The following ZNF521 variants were observed in gnomAD, a reference collection of about 807,000 sequenced individuals.
The protein encoded by ZNF521 is zinc finger protein 521.
Under a neutral mutation model 105.5 loss-of-function variants are expected in ZNF521, and 14 were observed. That is an observed-to-expected ratio of 0.13 (90% CI 0.09 to 0.21). The LOEUF is 0.21. ZNF521 is among the 10% of genes least tolerant of loss of function. The probability of loss-of-function intolerance (pLI) is 1.00; values close to 1 mark genes in which losing one functional copy is unlikely to be tolerated. For missense variants in ZNF521, 1,233 were observed against 1,629.7 expected (o/e 0.76, Z 4.19); for synonymous variants, 635 against 606.0 (o/e 1.05, Z -0.70).
Position 25,226,386 on chromosome 18 carries a change from T to C in ZNF521, c.1532A>G (p.Asn511Ser). The C allele has an allele frequency of 3.1e-6, 5 of 1,614,130 alleles. No individual in the cohort carries two copies. Among genetic ancestry groups the C allele is most frequent in the Non-Finnish European group, 3.4e-6 (4 of 1,180,018 alleles). ...GFANPAAKDS[N>S]AFFCPHCYMG... ...ATAGCAATGGGGACAAAAGAATGCA[T>C]TACTATCTTTAGCTGCAGGGTTTGC... Residue 511 changes from asparagine to serine, a missense_variant, in exon 4 of 8, where the codon AAT becomes AGT. Physicochemically the swap from Asn to Ser is conservative, Grantham distance 46. This residue lies in a region of ZNF521 where 380 missense variants were observed against 478.0 expected (regional missense o/e 0.80). Transcript: ENST00000361524. The surrounding 1 kb of genome is among the most constrained non-coding windows in gnomAD (Gnocchi z 4.1).
At chr18:25,243,125 T>C (rs1417030838) in intron 3 of ZNF521, among the ~76,000 whole-genome samples, 2 of 152,214 alleles carry the variant, frequency 1.3e-5, no homozygotes, top group Non-Finnish European at 2.9e-5. Flanking sequence ...TTCATCTGAT[T>C]AGATAACCTC....
At position 25,089,170 on chromosome 18, in the gene ZNF521, C is replaced by A. The variant is rs9959920; in HGVS notation, c.3906+295G>T. On this transcript the variant is annotated intron_variant, in intron 7 of 7. Transcript: ENST00000361524. ...CAGGATTTGGGAGAATGAGTCATGA[C>A]AAGCAAGGTGAATGATCCCACAGTC... Among the ~76,000 whole-genome samples, 937 of 152,242 alleles carry A rather than the reference C, an allele frequency of 6.2e-3. 9 individuals carry two copies. The highest frequency in any genetic ancestry group is 0.021 in the African/African-American group (874 of 41,538).
chr18:25,068,117 A>G lies in ZNF521; in HGVS notation c.3907-5376T>C, dbSNP rs117863768. 7.3e-4 allele frequency among the ~76,000 whole-genome samples: 111 copies of G among 152,358 alleles called. 3 individuals are homozygous for G. The East Asian group carries it at 0.017, about 24-fold the overall frequency. On this transcript the variant is annotated intron_variant, in intron 7 of 7. Coordinates refer to ENST00000361524, the MANE Select transcript of ZNF521 (RefSeq NM_015461.3). ...AAACCCGAATTTAAACTGCAGTTGT[A>G]TTTAATTTAAATGAGATGTTTTCTA...
At chr18:25,336,223 T>A (rs1598486364) in intron 2 of ZNF521, among the ~76,000 whole-genome samples, 1 of 152,194 alleles carries the variant, frequency 6.6e-6, no homozygotes. Flanking sequence ...AATCTCTCTC[T>A]GAAGCCAAGA....
chr18:25,327,154 T>C (rs959621095), intron 2 of ZNF521, among the ~76,000 whole-genome samples: 3 of 152,238 alleles, frequency 2.0e-5, no homozygotes, highest in African/African-American at 4.8e-5. Context: ...TAGAGGGTTT[T>C]TGAGACTTTA....
At chr18:25,263,744 C>T (rs1353509995) in intron 3 of ZNF521, among the ~76,000 whole-genome samples, 4 of 152,018 alleles carry the variant, frequency 2.6e-5, no homozygotes, top group Admixed American at 6.6e-5. Flanking sequence ...CCCAGTTAAT[C>T]GTTTGTATTT....
chr18:25,325,610 C>T (rs554205480), intron 2 of ZNF521, among the ~76,000 whole-genome samples: 1 of 152,210 alleles, frequency 6.6e-6, no homozygotes, highest in East Asian at 1.9e-4. Flanking sequence ...TAGCTGCAGG[C>T]ACCACTCTCT....
At chr18:25,105,057 A>G (rs539491683) in intron 5 of ZNF521, among the ~76,000 whole-genome samples, 32 of 152,332 alleles carry the variant, frequency 2.1e-4, no homozygotes, top group African/African-American at 7.7e-4. Flanking sequence ...TGCTCTCTCA[A>G]TAGGACAGCA....
rs929445501 is a variant in ZNF521, at chr18:25,131,581, G to A, written c.3659-39500C>T. Among the ~76,000 whole-genome samples the A allele has an allele frequency of 3.9e-5, 6 of 152,080 alleles. No individual in the cohort carries two copies. In the East Asian group the frequency reaches 1.2e-3, roughly 29 times the overall value. ...TCATGACATAAATATTCATTTGCAT[G>A]TCTGGTGCCAAATTTGACCCAAGCT... is the stretch of plus-strand genomic sequence containing the variant. On this transcript the variant is annotated intron_variant, in intron 5 of 7. Transcript: ENST00000361524.
At chr18:25,339,054 G>C (rs62082273) in intron 2 of ZNF521, among the ~76,000 whole-genome samples, 12,952 of 152,170 alleles carry the variant, frequency 0.085, 685 homozygotes, top group Middle Eastern at 0.17. Flanking sequence ...GGAAAACCAG[G>C]CCCACAATTA....
At chr18:25,081,029 T>G (rs2033481772) in intron 7 of ZNF521, among the ~76,000 whole-genome samples, 1 of 151,562 alleles carries the variant, frequency 6.6e-6, no homozygotes, top group Non-Finnish European at 1.5e-5. Flanking sequence ...AGGCAGATCT[T>G]CCGGTGCTAT....
chr18:25,062,554 A>T lies in ZNF521; in HGVS notation c.*158T>A. The stretch of plus-strand genomic sequence containing the variant: ...GGGTCTATCCGGTGCGCAAAAGTTC[A>T]AACACATGAACATCCAACAGTTTGA... On this transcript the variant is annotated 3_prime_UTR_variant, in exon 8 of 8. Transcript: ENST00000361524. 1 of 1,032,766 alleles carries T rather than the reference A, an allele frequency of 9.7e-7. No homozygotes were observed. Among genetic ancestry groups the T allele is most frequent in the Non-Finnish European group, 1.4e-6 (1 of 699,418 alleles). The allele number at this position is 1,032,766 out of a possible 1,614,324, so 64.0% of individuals were successfully genotyped here. A position where few individuals can be genotyped will look rare whatever the true frequency, so the allele number is the denominator to read the frequency against.
chr18:25,130,099 C>T (rs1307154623), intron 5 of ZNF521, among the ~76,000 whole-genome samples: 1 of 152,016 alleles, frequency 6.6e-6, no homozygotes, highest in Non-Finnish European at 1.5e-5. Flanking sequence ...AGATGTCTTT[C>T]AATAGATAAA....
chr18:25,121,111 A>ATTTTTTTT (rs5823467), intron 5 of ZNF521, among the ~76,000 whole-genome samples: 1 of 118,678 alleles, frequency 8.4e-6, no homozygotes, highest in Non-Finnish European at 1.7e-5. Flanking sequence ...AAGAAGGAGT[A>ATTTTTTTT]TTTTTTTTTT....
At chr18:25,202,070 G>A (rs1333633359) in intron 4 of ZNF521, 1 of 152,168 alleles carries the variant, frequency 6.6e-6, no homozygotes, top group East Asian at 1.9e-4. Flanking sequence ...TAAACTGTCT[G>A]TTGTCAAAGG....
chr18:25,257,038 A>G (rs1338944521), intron 3 of ZNF521, among the ~76,000 whole-genome samples: 1 of 152,164 alleles, frequency 6.6e-6, no homozygotes, highest in African/African-American at 2.4e-5. Context: ...AAAGTCTAGC[A>G]GGAAATGAGG....
At chr18:25,231,646 C>G (rs745410041) in intron 3 of ZNF521, 2 of 152,086 alleles carry the variant, frequency 1.3e-5, no homozygotes, top group South Asian at 4.2e-4. Flanking sequence ...TCTGGCCACT[C>G]GCTGGTGTTC....
intron 5 of ZNF521, among the ~76,000 whole-genome samples, chr18:25,142,319 C>T (rs1358949886): frequency 7.9e-5 from 12 of 152,164 alleles, no homozygotes; most frequent in Non-Finnish European, 1.8e-4. Flanking sequence ...TATTCAGATG[C>T]ATCACTACTG....
At chr18:25,116,546 A>G (rs1205682212) in intron 5 of ZNF521, among the ~76,000 whole-genome samples, 1 of 152,112 alleles carries the variant, frequency 6.6e-6, no homozygotes, top group Non-Finnish European at 1.5e-5. Context: ...TGCCACTTGG[A>G]TTGGCAGAAT....
Sources: allele counts gnomAD v4.1 joint callset (sites outside exome capture counted in the v4.1 genomes callset), GRCh38; gene constraint gnomAD v4.1.1; regional missense constraint gnomAD v4.1.1; non-coding constraint Gnocchi (gnomAD v3.1); transcripts MANE v1.5; gene names NCBI Gene and HGNC (gene_info 2026-07-23, HGNC 2026-07-21).